Variants in ANKIB1 observed in about 807,000 individuals in gnomAD.
The protein encoded by ANKIB1 is ankyrin repeat and IBR domain containing 1, also known as ankyrin repeat and IBR domain-containing protein 1.
A neutral mutation model predicts 122.1 loss-of-function variants in ANKIB1; 43 were observed. The observed-to-expected ratio is 0.35, with a 90% CI of 0.28 to 0.45. ANKIB1 has a LOEUF of 0.45. Ranked by LOEUF, ANKIB1 falls within the 20% of genes least tolerant of loss-of-function variation. The pLI is 1.00. For synonymous variants in ANKIB1, 390 were observed against 442.0 expected, an observed-to-expected ratio of 0.88 and a Z score of 1.48; for missense variants, 992 against 1,329.5, an observed-to-expected ratio of 0.75 and a Z score of 3.95.
chr7:92,258,002 C>CT (rs1801484484), intron 1 of ANKIB1, among the ~76,000 whole-genome samples: 1 of 152,102 alleles, frequency 6.6e-6, no homozygotes, highest in Admixed American at 6.5e-5. Flanking sequence ...TTCTGAGAGT[C>CT]TTTCTTGCTC....
chr7:92,288,987 A>T (rs1437154377), intron 1 of ANKIB1, among the ~76,000 whole-genome samples: 1 of 152,240 alleles, frequency 6.6e-6, no homozygotes, highest in Non-Finnish European at 1.5e-5. Flanking sequence ...ATGACTTAGT[A>T]CATATCCCAG....
At chr7:92,289,317 C>G (rs1463771302) in intron 1 of ANKIB1, among the ~76,000 whole-genome samples, 3 of 152,184 alleles carry the variant, frequency 2.0e-5, no homozygotes, top group Non-Finnish European at 4.4e-5. Flanking sequence ...TTACAGTGTT[C>G]ATCTGTGTAT....
rs374551942 is a variant in ANKIB1, at chr7:92,264,180, T to G, written c.-91+17661T>G. ...GTCGTCGTTTTTTTTTTTGTTTGTT[T>G]GTTGGTTTTTTTTTTTCTGGAAGCG... On this transcript the variant is annotated intron_variant, in intron 1 of 19. Coordinates refer to ENST00000265742, the MANE Select transcript of ANKIB1 (RefSeq NM_019004.2). 2.1e-3 allele frequency among the ~76,000 whole-genome samples: 318 copies of G among 151,416 alleles called. 1 individual carries two copies. Among genetic ancestry groups the G allele is most frequent in the Middle Eastern group, 3.4e-3 (1 of 292 alleles).
At chr7:92,331,171 A>G (rs1803164549) in intron 5 of ANKIB1, among the ~76,000 whole-genome samples, 1 of 152,178 alleles carries the variant, frequency 6.6e-6, no homozygotes, top group Admixed American at 6.5e-5. Context: ...TTAATCATGT[A>G]ATAGTCCAAA....
intron 8 of ANKIB1, 78 bp from the exon 9 acceptor site, chr7:92,352,398 T>G: frequency 7.1e-7 from 1 of 1,404,216 alleles, no homozygotes; most frequent in East Asian, 2.4e-5. Context: ...TATAGTAAAT[T>G]ACCATAGAGG....
rs752817219 is a variant in ANKIB1 at position 92,391,306 on chromosome 7, A to C, written c.2193A>C (p.Gly731=). 5 of 1,613,200 alleles carry C rather than the reference A, an allele frequency of 3.1e-6. No homozygotes were observed. Among genetic ancestry groups the C allele is most frequent in the Non-Finnish European group, 4.2e-6 (5 of 1,179,500 alleles). ...AATTCCTGGCATCTGTGGCTCGGGG[A>C]GTAGCTCCTGCAGACTCACCAGAAG... ...RQEFLASVAR[G]VAPADSPEAP... Residue 731 remains glycine, a synonymous_variant, in exon 16 of 20, where the codon GGA becomes GGC. Coordinates refer to ENST00000265742, the MANE Select transcript of ANKIB1 (RefSeq NM_019004.2).
chr7:92,322,686 C>T (rs1213704874), intron 4 of ANKIB1, among the ~76,000 whole-genome samples: 2 of 152,092 alleles, frequency 1.3e-5, no homozygotes, highest in Non-Finnish European at 2.9e-5. Context: ...ATGAACATCT[C>T]TCCTAAGTCA....
At chr7:92,261,345 T>C (rs1801558923) in intron 1 of ANKIB1, among the ~76,000 whole-genome samples, 1 of 141,434 alleles carries the variant, frequency 7.1e-6, no homozygotes, top group African/African-American at 2.6e-5. Flanking sequence ...CGAGACTCCG[T>C]CTCAAAAAAA....
rs1199648823 is a variant in ANKIB1, at chr7:92,371,621, G to A, written c.1617+14G>A. On this transcript the variant is annotated intron_variant, in intron 11 of 19. Coordinates refer to ENST00000265742, the MANE Select transcript of ANKIB1 (RefSeq NM_019004.2). ...CAGTGTGCTAAGGTAAGAAGTTAAA[G>A]AGGATTTTGCATGCTTTGCATTTGG... 1.9e-6 allele frequency: 3 copies of A among 1,590,638 alleles called. No individual in the cohort carries two copies. Among genetic ancestry groups the A allele is most frequent in the Non-Finnish European group, 2.6e-6 (3 of 1,168,144 alleles).
intron 2 of ANKIB1, among the ~76,000 whole-genome samples, chr7:92,306,398 C>T (rs1001934801): frequency 2.0e-5 from 3 of 152,090 alleles, no homozygotes; most frequent in Non-Finnish European, 4.4e-5. Flanking sequence ...AGGCAACTCA[C>T]CTAGACCTAT....
intron 1 of ANKIB1, among the ~76,000 whole-genome samples, chr7:92,253,144 C>G (rs1424760607): frequency 6.6e-6 from 1 of 152,192 alleles, no homozygotes; most frequent in Non-Finnish European, 1.5e-5. Context: ...TCCTGTAGTT[C>G]CAATTCTAGT....
intron 19 of ANKIB1, 27 bp from the exon 20 acceptor site, chr7:92,398,185 A>G: frequency 6.5e-7 from 1 of 1,536,850 alleles, no homozygotes; most frequent in South Asian, 1.3e-5. Context: ...TCAAATTTTA[A>G]AGTGGTTTTG....
In ANKIB1 at chr7:92,388,059, T is replaced by C; in HGVS notation, c.1906+18T>C. 6.5e-7 allele frequency: 1 copy of C among 1,544,992 alleles called. No homozygotes were observed. The highest frequency in any genetic ancestry group is 8.8e-7 in the Non-Finnish European group (1 of 1,139,864). ...CAAAGAAAGTAAGTTATAAGTTGTATGTGTGATAATTAATATAAAATATCT... is the reference window on the plus strand; with the variant it reads ...CAAAGAAAGTAAGTTATAAGTTGTACGTGTGATAATTAATATAAAATATCT... On this transcript the variant is annotated intron_variant, in intron 14 of 19. Transcript: ENST00000265742.
At chr7:92,372,163 G>A (rs1380748040) in intron 11 of ANKIB1, among the ~76,000 whole-genome samples, 1 of 152,006 alleles carries the variant, frequency 6.6e-6, no homozygotes, top group African/African-American at 2.4e-5. Context: ...GGGTTTCATA[G>A]TGTTGGGTTC....
At chr7:92,303,688 A>G (rs1802498257) in intron 2 of ANKIB1, among the ~76,000 whole-genome samples, 1 of 152,230 alleles carries the variant, frequency 6.6e-6, no homozygotes, top group South Asian at 2.1e-4. Flanking sequence ...GTGTGATTAC[A>G]GAAGCCAAGG....
intron 2 of ANKIB1, among the ~76,000 whole-genome samples, chr7:92,304,229 T>C (rs1802509706): frequency 6.6e-6 from 1 of 152,184 alleles, no homozygotes; most frequent in South Asian, 2.1e-4. Context: ...AATTAGAATA[T>C]TCAATTTTAT....
chr7:92,398,394 C>G lies in ANKIB1; in HGVS notation c.2715C>G (p.Ser905Arg), dbSNP rs747256745. ...RLDSVPRNTD[S>R]PRAALSSSEL... ...ACTCTGTCCCCAGAAATACAGATAG[C>G]CCTCGGGCTGCATTGAGCAGCTCTG... The change falls in exon 20 of 20, where the codon AGC becomes AGG. Residue 905 changes from serine to arginine, a missense_variant. Transcript: ENST00000265742. 1 of 1,613,324 alleles carries G rather than the reference C, an allele frequency of 6.2e-7. No homozygotes were observed. The highest frequency in any genetic ancestry group is 8.5e-7 in the Non-Finnish European group (1 of 1,179,590).
At chr7:92,380,882 G>A (rs1804497402) in intron 11 of ANKIB1, among the ~76,000 whole-genome samples, 1 of 152,188 alleles carries the variant, frequency 6.6e-6, no homozygotes, top group Non-Finnish European at 1.5e-5. Flanking sequence ...GCCAGCAACG[G>A]AACAAAGCAG....
intron 5 of ANKIB1, among the ~76,000 whole-genome samples, chr7:92,328,577 A>G (rs2131958705): frequency 6.6e-6 from 1 of 152,264 alleles, no homozygotes; most frequent in Non-Finnish European, 1.5e-5. Context: ...ATGATATATG[A>G]CATTTTGGCT....
Sources: gnomAD v4.1 joint callset for allele counts (sites outside exome capture counted in the v4.1 genomes callset) on GRCh38, gnomAD v4.1.1 for gene constraint, MANE v1.5 for transcripts, NCBI Gene and HGNC (gene_info 2026-07-23, HGNC 2026-07-21) for gene names.